Variants in NBPF15 observed in about 807,000 individuals in gnomAD.
The protein encoded by NBPF15 is NBPF member 15, also known as NBPF family member NBPF15.
A neutral mutation model predicts 62.2 loss-of-function variants in NBPF15; 74 were observed. The observed-to-expected ratio is 1.19, with a 90% confidence interval of 0.99 to 1.44. The LOEUF is 1.44. Among genes scored for constraint, NBPF15 ranks in the 40% most tolerant of loss-of-function variants. The pLI, the probability that NBPF15 is intolerant of heterozygous loss-of-function variation, is 0.00. For synonymous variants in NBPF15, 244 were observed against 209.7 expected (o/e 1.16, Z -1.41); for missense variants, 790 against 550.0 (o/e 1.44, Z -4.36).
At chr1:144,445,147 A>G (rs1344337010) in intron 6 of NBPF15, among the ~76,000 whole-genome samples, 3 of 151,194 alleles carry the variant, frequency 2.0e-5, no homozygotes, top group African/African-American at 4.9e-5. Context: ...CTAACTGACC[A>G]TTCATGTATC....
chr1:144,440,214 C>T lies in NBPF15; in HGVS notation c.-109G>A, dbSNP rs1681756806. 1.3e-6 allele frequency: 2 copies of T among 1,520,986 alleles called. No homozygotes were observed. Among genetic ancestry groups the T allele is most frequent in the African/African-American group, 1.4e-5 (1 of 72,820 alleles). The allele number at this position is 1,520,986 out of a possible 1,614,324, so 94.2% of individuals were successfully genotyped here. ...CACAAAAACAAGGTTCGAGGTGCCT[C>T]AACTCAGAGCTGAAAGCACTGTCAG... On this transcript the variant is annotated 5_prime_UTR_variant, in exon 7 of 22. The change abolishes the stop of an existing upstream ORF in the 5' untranslated region. Coordinates refer to ENST00000581897, the MANE Select transcript of NBPF15 (RefSeq NM_001385408.1).
intron 19 of NBPF15, among the ~76,000 whole-genome samples, chr1:144,425,221 C>A (rs1299014759): frequency 1.0e-5 from 1 of 99,246 alleles, no homozygotes; most frequent in Admixed American, 1.0e-4. Context: ...ATACAGTGAT[C>A]ATGAAAAGAC....
intron 17 of NBPF15, among the ~76,000 whole-genome samples, 194 bp downstream of exon 17, chr1:144,426,853 G>A (rs1373681755): frequency 5.4e-5 from 8 of 148,266 alleles, no homozygotes; most frequent in African/African-American, 1.7e-4. Context: ...TCAACCTATA[G>A]TAAGTTAGTA....
rs1368592706 is a variant in NBPF15, at chr1:144,427,810, G to T, written c.1213+8C>A. 1 of 701,288 alleles carries T rather than the reference G, an allele frequency of 1.4e-6. No homozygotes were observed. The allele number at this position is 701,288 out of a possible 1,614,324, so 43.4% of individuals were successfully genotyped here. ...GGATCCTTATCACCTTCATAGAAAG[G>T]TACTCACCATCCATGTCAATAGCCA... is the stretch of plus-strand genomic sequence containing the variant. On this transcript the variant is annotated splice_region_variant and intron_variant, in intron 16 of 21. Transcript: ENST00000581897.
At chr1:144,433,012 GCAC>G (rs1675627630) in intron 13 of NBPF15, among the ~76,000 whole-genome samples, 1 of 151,834 alleles carries the variant, frequency 6.6e-6, no homozygotes, top group African/African-American at 2.4e-5. Context: ...ATTCTTCTCA[GCAC>G]CACATCACAC....
intron 9 of NBPF15, among the ~76,000 whole-genome samples, chr1:144,437,424 T>A (rs2102094895): frequency 6.8e-6 from 1 of 147,008 alleles, no homozygotes; most frequent in East Asian, 2.0e-4. Context: ...CCATGGACAT[T>A]TCCATGTGAA....
chr1:144,434,444 C>A (rs1248547741), intron 12 of NBPF15, among the ~76,000 whole-genome samples: 3 of 145,236 alleles, frequency 2.1e-5, no homozygotes, highest in African/African-American at 7.8e-5. Flanking sequence ...GAGGTTGCAC[C>A]AAGCCAAGAT....
chr1:144,444,721 T>C (rs1345385815), intron 6 of NBPF15, among the ~76,000 whole-genome samples: 1 of 151,822 alleles, frequency 6.6e-6, no homozygotes, highest in Admixed American at 6.6e-5. Flanking sequence ...GTTGGTCTGG[T>C]GATAATTTCC....
At chr1:144,453,662 A>AAAAAAAAAAAG (rs1165682772) in intron 4 of NBPF15, among the ~76,000 whole-genome samples, 7 of 86,812 alleles carry the variant, frequency 8.1e-5, no homozygotes, top group Admixed American at 1.3e-4. Flanking sequence ...AAAAAAAAAA[A>AAAAAAAAAAAG]GTGAAACATC....
intron 5 of NBPF15, among the ~76,000 whole-genome samples, chr1:144,450,444 C>T (rs1571157712): frequency 6.6e-6 from 1 of 151,940 alleles, no homozygotes; most frequent in Admixed American, 6.6e-5. Flanking sequence ...GCCCTCAGCC[C>T]CCCACAAACA....
At chr1:144,458,097 A>T (rs1351039667) in intron 3 of NBPF15, among the ~76,000 whole-genome samples, 8 of 151,966 alleles carry the variant, frequency 5.3e-5, no homozygotes, top group African/African-American at 1.9e-4. Context: ...AAGAAAAAAA[A>T]AAAAAATTGT....
At chr1:144,425,271 A>G (rs1174445322) in intron 19 of NBPF15, among the ~76,000 whole-genome samples, 3 of 50,178 alleles carry the variant, frequency 6.0e-5, no homozygotes, top group Non-Finnish European at 1.1e-4. Context: ...TCAAGTTTCC[A>G]TGCAGTCGCC....
At chr1:144,449,700 C>T (rs1192419332) in intron 5 of NBPF15, among the ~76,000 whole-genome samples, 1 of 151,722 alleles carries the variant, frequency 6.6e-6, no homozygotes. Context: ...TAAGAAACTC[C>T]TGCTGGATTT....
intron 6 of NBPF15, among the ~76,000 whole-genome samples, chr1:144,448,307 A>G (rs1280893321): frequency 6.6e-6 from 1 of 152,018 alleles, no homozygotes; most frequent in Non-Finnish European, 1.5e-5. Context: ...ATGTATCCTA[A>G]GGCGTCCAGT....
Position 144,443,238 on chromosome 1 carries a change from A to T in NBPF15, c.-190-2943T>A, listed in dbSNP as rs1377293401. Among the ~76,000 whole-genome samples the T allele has an allele frequency of 2.8e-4, 43 of 152,038 alleles. 1 individual carries two copies. The South Asian group carries it at 7.5e-3, about 26-fold the overall frequency. On this transcript the variant is annotated intron_variant, in intron 6 of 21. Transcript: ENST00000581897. ...GATGGATTTTTTATGAATAAAAAAG[A>T]TTCTACTAAAAAAAAATCAATAACT...
Position 144,457,040 on chromosome 1 carries a change from A to G in NBPF15, c.-700-235T>C, listed in dbSNP as rs373046814. Among the ~76,000 whole-genome samples, 470 of 151,906 alleles carry G rather than the reference A, an allele frequency of 3.1e-3. 17 individuals carry two copies. In the East Asian group the frequency reaches 0.066, roughly 21 times the overall value. On this transcript the variant is annotated intron_variant, in intron 3 of 21. Transcript: ENST00000581897. ...ATAAAAAATGAAAAATTGGCCCAGCATGGTGGCACACACTTGTAGTCTCAG... is the reference window on the plus strand; with the variant it reads ...ATAAAAAATGAAAAATTGGCCCAGCGTGGTGGCACACACTTGTAGTCTCAG...
chr1:144,457,785 A>T (rs1306668428), intron 3 of NBPF15, among the ~76,000 whole-genome samples: 1 of 152,090 alleles, frequency 6.6e-6, no homozygotes, highest in African/African-American at 2.4e-5. Flanking sequence ...TTAGAAAAAC[A>T]TAAAAATTAT....
chr1:144,423,779 A>T (rs1667490520), intron 21 of NBPF15, 91 bp downstream of exon 21: 1 of 720,488 alleles, frequency 1.4e-6, no homozygotes, highest in African/African-American at 1.7e-5. Context: ...CCTTCGTTGA[A>T]AACATGACAT....
At chr1:144,455,283 GGGAA>G (rs145460444) in intron 4 of NBPF15, among the ~76,000 whole-genome samples, 69 of 142,946 alleles carry the variant, frequency 4.8e-4, no homozygotes, top group East Asian at 2.1e-3. Context: ...GAGAGAAGTA[GGGAA>G]GGAAGGAAGG....
Sources: gnomAD v4.1 joint callset for allele counts (sites outside exome capture counted in the v4.1 genomes callset) on GRCh38, gnomAD v4.1.1 for gene constraint, MANE v1.5 for transcripts, NCBI Gene and HGNC (gene_info 2026-07-23, HGNC 2026-07-21) for gene names.